Variants in ADAM28 observed in about 807,000 individuals in gnomAD.
ADAM28 encodes ADAM metallopeptidase domain 28, also known as disintegrin and metalloproteinase domain-containing protein 28.
Under a neutral mutation model 101.2 loss-of-function variants are expected in ADAM28, and 105 were observed. The ratio of observed to expected loss-of-function variants is 1.04; its 90% confidence interval spans 0.89 to 1.22. The LOEUF is 1.22. Ranked by LOEUF, ADAM28 falls within the 50% of genes most tolerant of loss-of-function variation. The pLI is 0.00. For missense variants in ADAM28, 1,028 were observed against 945.4 expected, an observed-to-expected ratio of 1.09 and a Z score of -1.15; for synonymous variants, 322 against 310.6, an observed-to-expected ratio of 1.04 and a Z score of -0.39.
chr8:24,309,098 A>T (rs1810088088), intron 2 of ADAM28, among the ~76,000 whole-genome samples: 1 of 152,226 alleles, frequency 6.6e-6, no homozygotes. Context: ...TTAGTACCCC[A>T]AAACATCTTC....
chr8:24,325,968 C>A (rs1243604850), intron 9 of ADAM28, among the ~76,000 whole-genome samples: 2 of 140,456 alleles, frequency 1.4e-5, no homozygotes, highest in Non-Finnish European at 3.1e-5. Flanking sequence ...TCAAAAGGAA[C>A]CAAAAAAGCA....
intron 6 of ADAM28, 140 bp downstream of exon 6, chr8:24,313,720 C>A: frequency 4.4e-5 from 34 of 769,278 alleles, no homozygotes; most frequent in Non-Finnish European, 6.6e-5. Flanking sequence ...TATTGCTAGA[C>A]ATTAATGATT....
At chr8:24,343,704 G>T (rs1378661065) in intron 18 of ADAM28, 120 bp downstream of exon 18, 3 of 854,816 alleles carry the variant, frequency 3.5e-6, no homozygotes, top group African/African-American at 3.4e-5. Flanking sequence ...TTCTGTTGAT[G>T]TTGAATCCAC....
Position 24,328,037 on chromosome 8 carries a change from C to A in ADAM28, c.972+1402C>A, listed in dbSNP as rs1812859651. On this transcript the variant is annotated intron_variant, in intron 10 of 22. Coordinates refer to ENST00000265769, the MANE Select transcript of ADAM28 (RefSeq NM_014265.6). ...AGTTTACGTAAGTAACAATCCTGCACTTGTACCTGTGAACTTAAAATAGAA... is the reference window on the plus strand; with the variant it reads ...AGTTTACGTAAGTAACAATCCTGCAATTGTACCTGTGAACTTAAAATAGAA... 1.3e-5 allele frequency among the ~76,000 whole-genome samples: 2 copies of A among 152,032 alleles called. 1 individual carries two copies. Among genetic ancestry groups the A allele is most frequent in the Admixed American group, 1.3e-4 (2 of 15,246 alleles).
At chr8:24,305,784 T>C (rs1563269602) in intron 2 of ADAM28, among the ~76,000 whole-genome samples, 1 of 152,160 alleles carries the variant, frequency 6.6e-6, no homozygotes, top group African/African-American at 2.4e-5. Context: ...TAGAAGAGAA[T>C]ATATTATGAG....
rs572795333 is a variant in ADAM28, at chr8:24,354,697, C to G, written c.*293C>G. On this transcript the variant is annotated 3_prime_UTR_variant, in exon 23 of 23. Transcript: ENST00000265769. Reference sequence around the variant, plus strand: ...AATCTGTAATAGGAATTGATTCATTCTCTAATGAAAACAAAACATAAAAAC... The same window carrying G: ...AATCTGTAATAGGAATTGATTCATTGTCTAATGAAAACAAAACATAAAAAC... The G allele has an allele frequency of 7.9e-6, 2 of 254,646 alleles. No individual in the cohort carries two copies. The highest frequency in any genetic ancestry group is 1.7e-4 in the East Asian group (2 of 11,734). The allele number at this position is 254,646 out of a possible 1,614,324, so 15.8% of individuals were successfully genotyped here.
intron 18 of ADAM28, among the ~76,000 whole-genome samples, chr8:24,346,215 G>A (rs1241108404): frequency 6.6e-6 from 1 of 152,062 alleles, no homozygotes; most frequent in South Asian, 2.1e-4. Flanking sequence ...TTATGGGAAT[G>A]TATGGCTTAT....
intron 2 of ADAM28, among the ~76,000 whole-genome samples, chr8:24,303,585 GCTTTGTT>G (rs1386818178): frequency 1.3e-5 from 2 of 152,080 alleles, no homozygotes; most frequent in Non-Finnish European, 2.9e-5. Flanking sequence ...AATGCCTCCA[GCTTTGTT>G]CTTTTTGCTT....
At chr8:24,321,124 CAAT>C (rs1453721597) in intron 7 of ADAM28, 91 bp from the exon 8 acceptor site, 2 of 681,530 alleles carry the variant, frequency 2.9e-6, no homozygotes, top group Non-Finnish European at 5.0e-6. Flanking sequence ...TAATTAAAAT[CAAT>C]AATAAGTAAT....
At chr8:24,338,251 TCAATAC>T (rs1814337204) in intron 14 of ADAM28, among the ~76,000 whole-genome samples, 1 of 152,204 alleles carries the variant, frequency 6.6e-6, no homozygotes, top group African/African-American at 2.4e-5. Flanking sequence ...GTGCATTAAT[TCAATAC>T]AATTTTTGCA....
At chr8:24,342,946 G>T in intron 16 of ADAM28, 155 bp from the exon 17 acceptor site, 4 of 1,371,184 alleles carry the variant, frequency 2.9e-6, no homozygotes, top group Non-Finnish European at 2.9e-6. Flanking sequence ...AGAGGATAAT[G>T]TAAGCAACAG....
chr8:24,319,524 T>A (rs1267965970), intron 6 of ADAM28, among the ~76,000 whole-genome samples: 1 of 152,008 alleles, frequency 6.6e-6, no homozygotes, highest in Admixed American at 6.6e-5. Context: ...CCTAAAAATC[T>A]ATCTTCAGGA....
At chr8:24,325,888 A>ACAAAAAAAC in intron 9 of ADAM28, among the ~76,000 whole-genome samples, 1 of 136,176 alleles carries the variant, frequency 7.3e-6, no homozygotes, top group Non-Finnish European at 1.6e-5. Flanking sequence ...AAAAAAAAAA[A>ACAAAAAAAC]AAAAAAAAAA....
At chr8:24,324,964 G>A (rs1013093908) in intron 9 of ADAM28, 1 of 151,952 alleles carries the variant, frequency 6.6e-6, no homozygotes, top group Admixed American at 6.6e-5. Flanking sequence ...TCTTAATCAA[G>A]GGGAAGTTGT....
Position 24,339,564 on chromosome 8 carries a change from G to T in ADAM28, c.1666G>T (p.Ala556Ser), listed in dbSNP as rs367686235. ...RVDDTLIPCK[A>S]NDTMCGKLFC... ...GGATGACACACTCATTCCCTGCAAA[G>T]CAAAGTAAGTGGCCTTGTCTGAACC... The change falls in exon 15 of 23, where the codon GCA becomes TCA. Residue 556 changes from alanine to serine, a missense_variant. By Grantham distance (99) the Ala-to-Ser change is moderately conservative. Coordinates refer to ENST00000265769, the MANE Select transcript of ADAM28 (RefSeq NM_014265.6). 9.3e-6 allele frequency: 15 copies of T among 1,610,806 alleles called. No individual in the cohort carries two copies. Among genetic ancestry groups the T allele is most frequent in the Non-Finnish European group, 1.3e-5 (15 of 1,178,430 alleles).
chr8:24,352,194 C>A, intron 21 of ADAM28, 142 bp downstream of exon 21: 2 of 797,544 alleles, frequency 2.5e-6, no homozygotes, highest in South Asian at 1.9e-5. Flanking sequence ...ACAAATTCTT[C>A]TGCAAAATAT....
chr8:24,338,435 T>A (rs78994761), intron 14 of ADAM28, among the ~76,000 whole-genome samples: 26,707 of 151,544 alleles, frequency 0.18, 2,462 homozygotes, highest in East Asian at 0.35. Flanking sequence ...TCTCCCTGAT[T>A]ATTCATGACT....
Position 24,351,316 on chromosome 8 carries a change from C to CTATA in ADAM28, c.2178+9_2178+12dup, listed in dbSNP as rs1256778780. 3 of 1,612,760 alleles carry CTATA rather than the reference C, an allele frequency of 1.9e-6. No homozygotes were observed. The highest frequency in any genetic ancestry group is 2.5e-6 in the Non-Finnish European group (3 of 1,178,880). ...AGGCTGTTCAACCCCAAGAGGTGAA[C>CTATA]TATATAGTCTGGGCTGTGATTACCA... is the stretch of plus-strand genomic sequence containing the variant. On this transcript the variant is annotated splice_region_variant and intron_variant, in intron 20 of 22. Transcript: ENST00000265769.
At chr8:24,300,194 G>A in intron 2 of ADAM28, 117 bp downstream of exon 2, 3 of 798,478 alleles carry the variant, frequency 3.8e-6, no homozygotes, top group Non-Finnish European at 5.7e-6. Context: ...TTATATATGT[G>A]TGTGTGTGTA....
Sources: gnomAD v4.1 joint callset for allele counts (sites outside exome capture counted in the v4.1 genomes callset) on GRCh38, gnomAD v4.1.1 for gene constraint, MANE v1.5 for transcripts, NCBI Gene and HGNC (gene_info 2026-07-23, HGNC 2026-07-21) for gene names.